The following AHDC1 variants were observed in gnomAD, a reference collection of about 807,000 sequenced individuals.
AHDC1 encodes AT-hook DNA binding motif containing 1.
Under a neutral mutation model 87.9 loss-of-function variants are expected in AHDC1, and 7 were observed. The observed-to-expected ratio is 0.08, with a 90% confidence interval of 0.05 to 0.15. The LOEUF is 0.15. AHDC1 is among the 10% of genes least tolerant of loss of function. AHDC1 has a pLI of 1.00. For missense variants in AHDC1, 1,841 were observed against 2,253.2 expected (o/e 0.82, Z 3.70); for synonymous variants, 1,051 against 1,006.8 (o/e 1.04, Z -0.83).
At chr1:27,578,180 T>C (rs999728890) in intron 3 of AHDC1, among the ~76,000 whole-genome samples, 2 of 152,220 alleles carry the variant, frequency 1.3e-5, no homozygotes, top group Non-Finnish European at 2.9e-5. Flanking sequence ...AAGTACAAAA[T>C]ATACACCAGA....
At chr1:27,539,138 C>CT (rs112072152) in intron 8 of AHDC1, among the ~76,000 whole-genome samples, 1,589 of 125,340 alleles carry the variant, frequency 0.013, 14 homozygotes, top group African/African-American at 0.028. Flanking sequence ...TTTTTCTTTT[C>CT]TTTTTTTTTT....
intron 3 of AHDC1, among the ~76,000 whole-genome samples, chr1:27,559,829 G>T (rs1028364051): frequency 2.0e-5 from 3 of 152,190 alleles, no homozygotes; most frequent in Non-Finnish European, 4.4e-5. Flanking sequence ...GAGCCCAGAG[G>T]GGGTCTGGGA....
intron 3 of AHDC1, among the ~76,000 whole-genome samples, chr1:27,585,286 A>G (rs1175612395): frequency 6.6e-6 from 1 of 151,550 alleles, no homozygotes; most frequent in African/African-American, 2.4e-5. Flanking sequence ...GAAGGAACAA[A>G]TGAACAAACA....
chr1:27,585,893 C>T (rs1044612179), intron 3 of AHDC1, among the ~76,000 whole-genome samples: 1 of 152,210 alleles, frequency 6.6e-6, no homozygotes, highest in African/African-American at 2.4e-5. Context: ...CTCTCTGAGC[C>T]TCAGCCATCT....
At chr1:27,575,551 G>C (rs556540958) in intron 3 of AHDC1, among the ~76,000 whole-genome samples, 5 of 151,190 alleles carry the variant, frequency 3.3e-5, no homozygotes, top group Non-Finnish European at 5.9e-5. Context: ...TCGCTCCCCC[G>C]GCCGGCCGCG....
Position 27,561,877 on chromosome 1 carries a change from T to C in AHDC1, c.-628-2994A>G, listed in dbSNP as rs1413764893. Among the ~76,000 whole-genome samples, 2 of 151,344 alleles carry C rather than the reference T, an allele frequency of 1.3e-5. No individual in the cohort carries two copies. The highest frequency in any genetic ancestry group is 2.4e-5 in the African/African-American group (1 of 41,062). ...AGACGGACTGGTGATGAGGGGCTCA[T>C]GGAAGAAGGGAGATGGAGAGGAAGG... On this transcript the variant is annotated intron_variant, in intron 3 of 8. Transcript: ENST00000673934. The surrounding 1 kb of genome is among the most constrained non-coding windows in gnomAD (Gnocchi z 4.2).
chr1:27,601,536 C>G (rs1423112838), intron 3 of AHDC1, among the ~76,000 whole-genome samples: 1 of 152,252 alleles, frequency 6.6e-6, no homozygotes, highest in Non-Finnish European at 1.5e-5. Context: ...GTTCACCAGT[C>G]TCTGGGGATT....
intron 8 of AHDC1, among the ~76,000 whole-genome samples, chr1:27,544,117 A>G (rs1458425196): frequency 6.6e-6 from 1 of 152,048 alleles, no homozygotes; most frequent in East Asian, 1.9e-4. Context: ...TCCCCTGGGC[A>G]AGGTTCAGAG....
rs1056423119 is a variant in AHDC1 at position 27,560,431 on chromosome 1, C to T, written c.-628-1548G>A. On this transcript the variant is annotated intron_variant, in intron 3 of 8. Transcript: ENST00000673934. The surrounding 1 kb of genome is among the most constrained non-coding windows in gnomAD (Gnocchi z 4.1). ...ATGTGTGTTTGGCAGGGGGTGGGGG[C>T]GTGAGGCTGATCCTCTGCTGTCCCT... 2.0e-5 allele frequency among the ~76,000 whole-genome samples: 3 copies of T among 152,094 alleles called. No homozygotes were observed. The highest frequency in any genetic ancestry group is 6.5e-5 in the Admixed American group (1 of 15,276).
chr1:27,558,881 C>T lies in AHDC1; in HGVS notation c.-626G>A. 1 of 398,642 alleles carries T rather than the reference C, an allele frequency of 2.5e-6. No individual in the cohort carries two copies. The highest frequency in any genetic ancestry group is 4.4e-6 in the Non-Finnish European group (1 of 226,088). 24.7% of individuals were successfully genotyped at this position (398,642 alleles called of 1,614,324 possible). A position where few individuals can be genotyped will look rare whatever the true frequency, so the allele number is the denominator to read the frequency against. ...ATGGGTTGACAATCAGGCAAGCTCCCATCTGTGGAAGCAAACACAGCACCA... is the reference window on the plus strand; with the variant it reads ...ATGGGTTGACAATCAGGCAAGCTCCTATCTGTGGAAGCAAACACAGCACCA... On this transcript the variant is annotated splice_region_variant and 5_prime_UTR_variant, in exon 4 of 9. The change abolishes an upstream ATG in the 5' untranslated region. Transcript: ENST00000673934. The surrounding 1 kb of genome is among the most constrained non-coding windows in gnomAD (Gnocchi z 5.6).
At chr1:27,571,045 A>C (rs1285209821) in intron 3 of AHDC1, among the ~76,000 whole-genome samples, 2 of 152,010 alleles carry the variant, frequency 1.3e-5, no homozygotes, top group African/African-American at 4.8e-5. Flanking sequence ...GAGCTCCTTT[A>C]ACCCTTTGCA....
At chr1:27,587,840 T>G (rs1020984929) in intron 3 of AHDC1, among the ~76,000 whole-genome samples, 3 of 152,216 alleles carry the variant, frequency 2.0e-5, no homozygotes, top group African/African-American at 7.2e-5. Flanking sequence ...AGAGGTTGTA[T>G]GACTTGCCTA....
intron 3 of AHDC1, among the ~76,000 whole-genome samples, chr1:27,582,520 A>T (rs936930977): frequency 6.6e-6 from 1 of 152,242 alleles, no homozygotes; most frequent in Non-Finnish European, 1.5e-5. Context: ...TCCTTGGTAC[A>T]TATCACCATC....
chr1:27,587,219 G>A (rs190781071), intron 3 of AHDC1, among the ~76,000 whole-genome samples: 171 of 152,314 alleles, frequency 1.1e-3, no homozygotes, highest in African/African-American at 3.9e-3. Flanking sequence ...TTTGTTTGTG[G>A]TCACCCAGTG....
At chr1:27,568,620 A>G (rs1212791829) in intron 3 of AHDC1, among the ~76,000 whole-genome samples, 1 of 151,198 alleles carries the variant, frequency 6.6e-6, no homozygotes, top group East Asian at 2.0e-4. Context: ...GCTCCCGGAG[A>G]TTGGTAGCAC....
chr1:27,548,830 G>A lies in AHDC1; in HGVS notation c.3286C>T (p.Pro1096Ser). The change falls in exon 8 of 9, where the codon CCC becomes TCC. Residue 1096 changes from proline to serine, a missense_variant. Coordinates refer to ENST00000673934, the MANE Select transcript of AHDC1 (RefSeq NM_001371928.1). Reference sequence around the variant, plus strand: ...CCCGCAAACTGCCGACAGTTCTCGGGCGAGGGCTGGAAGGAGGAGGAGGAG... The same window carrying A: ...CCCGCAAACTGCCGACAGTTCTCGGACGAGGGCTGGAAGGAGGAGGAGGAG... The part of the protein sequence containing the change: ...SSSSSSFQPS[P>S]ENCRQFAGAS... The A allele has an allele frequency of 6.2e-7, 1 of 1,613,062 alleles. No individual in the cohort carries two copies. The highest frequency in any genetic ancestry group is 8.5e-7 in the Non-Finnish European group (1 of 1,179,966).
rs753013206 is a variant in AHDC1 at position 27,590,836 on chromosome 1, C to G, written c.-629+12561G>C. Reference sequence around the variant, plus strand: ...CTTTCTCGTGGGAGGGTGCAATTTCCGGAGGGGATGAGCATCAGCTGGAGG... The same window carrying G: ...CTTTCTCGTGGGAGGGTGCAATTTCGGGAGGGGATGAGCATCAGCTGGAGG... On this transcript the variant is annotated intron_variant, in intron 3 of 8. Transcript: ENST00000673934. This position sits in a 1 kb window ranked among gnomAD's most constrained non-coding sequence, Gnocchi z 5.4. Among the ~76,000 whole-genome samples, 2 of 152,096 alleles carry G rather than the reference C, an allele frequency of 1.3e-5. No homozygotes were observed.
At chr1:27,584,452 A>G (rs1394054931) in intron 3 of AHDC1, among the ~76,000 whole-genome samples, 2 of 152,246 alleles carry the variant, frequency 1.3e-5, no homozygotes, top group East Asian at 1.9e-4. Context: ...AGAGGAGTCA[A>G]GTAACTAAGG....
chr1:27,573,670 C>G (rs904373598), intron 3 of AHDC1, among the ~76,000 whole-genome samples: 78 of 152,326 alleles, frequency 5.1e-4, no homozygotes, highest in African/African-American at 1.8e-3. Context: ...TCTCCCCAAA[C>G]CAAAGGCAAG....
Sources: gnomAD v4.1 joint callset for allele counts (sites outside exome capture counted in the v4.1 genomes callset) on GRCh38, gnomAD v4.1.1 for gene constraint, Gnocchi (gnomAD v3.1) non-coding constraint, MANE v1.5 for transcripts, NCBI Gene and HGNC (gene_info 2026-07-23, HGNC 2026-07-21) for gene names.